Variants in PTK7 observed in about 807,000 individuals in gnomAD.
PTK7 encodes the protein inactive tyrosine-protein kinase 7.
A neutral mutation model predicts 116.6 loss-of-function variants in PTK7; 39 were observed. That is an observed-to-expected ratio of 0.33 (90% CI 0.26 to 0.44). The LOEUF (loss-of-function observed/expected upper bound fraction) is 0.44, where lower values mean the gene tolerates loss of function less well. Among genes scored for constraint, PTK7 ranks in the 20% least tolerant of loss-of-function variants. The pLI, the probability that PTK7 is intolerant of heterozygous loss-of-function variation, is 1.00. For missense variants in PTK7, 1,169 were observed against 1,425.6 expected, an observed-to-expected ratio of 0.82 and a Z score of 2.90; for synonymous variants, 546 against 563.6, an observed-to-expected ratio of 0.97 and a Z score of 0.44.
chr6:43,142,633 G>T (rs185947892), intron 13 of PTK7: 53 of 409,736 alleles, frequency 1.3e-4, no homozygotes, highest in Admixed American at 3.2e-4. Context: ...AATGCAGTAG[G>T]ACAAGGTTCT....
intron 1 of PTK7, among the ~76,000 whole-genome samples, chr6:43,116,645 T>TGCGCGCGCGC (rs1293349710): frequency 9.2e-5 from 7 of 76,338 alleles, no homozygotes; most frequent in African/African-American, 4.1e-4. Context: ...TGTGTGTGTG[T>TGCGCGCGCGC]GTGTGTGCGC....
intron 7 of PTK7, chr6:43,132,969 A>G: frequency 1.7e-6 from 1 of 574,468 alleles, no homozygotes; most frequent in Non-Finnish European, 3.1e-6. Flanking sequence ...CCTGGGTCCC[A>G]CTATGCTCCC....
chr6:43,141,660 C>G lies in PTK7; in HGVS notation c.1619-8C>G. On this transcript the variant is annotated splice_polypyrimidine_tract_variant and splice_region_variant and intron_variant, in intron 10 of 19. Transcript: ENST00000230419. This position sits in a 1 kb window ranked among gnomAD's most constrained non-coding sequence, Gnocchi z 4.9. ...CCTTCCCATAATTTCCCTTTGTTAC[C>G]CCTGCAGATGGGAGCAGCCTCCCAG... 6.2e-7 allele frequency: 1 copy of G among 1,613,188 alleles called. No individual in the cohort carries two copies. The highest frequency in any genetic ancestry group is 8.5e-7 in the Non-Finnish European group (1 of 1,179,354).
intron 1 of PTK7, among the ~76,000 whole-genome samples, chr6:43,099,331 C>CA (rs1289678150): frequency 1.3e-5 from 2 of 151,532 alleles, no homozygotes; most frequent in African/African-American, 4.9e-5. Context: ...TTCCCAGACT[C>CA]AAGCAATCCT....
intron 1 of PTK7, among the ~76,000 whole-genome samples, chr6:43,099,836 G>A (rs190721986): frequency 1.3e-5 from 2 of 152,178 alleles, no homozygotes; most frequent in African/African-American, 4.8e-5. Flanking sequence ...TTTGGAGGCC[G>A]AGGCAGGCAG....
At chr6:43,133,069 A>G in intron 7 of PTK7, 2 of 414,742 alleles carry the variant, frequency 4.8e-6, no homozygotes, top group South Asian at 2.2e-4. Flanking sequence ...TCTACTACCT[A>G]CCCCACAAGG....
chr6:43,144,879 G>T, intron 15 of PTK7: 1 of 416,084 alleles, frequency 2.4e-6, no homozygotes, highest in Non-Finnish European at 4.2e-6. Context: ...AGTTACCATT[G>T]TTCTAGGAAA....
chr6:43,082,740 C>T (rs551807498), intron 1 of PTK7, among the ~76,000 whole-genome samples: 1 of 152,308 alleles, frequency 6.6e-6, no homozygotes, highest in South Asian at 2.1e-4. Context: ...CAAGAAATTT[C>T]TCCATTAAAT....
At chr6:43,121,529 T>G (rs1301503664) in intron 1 of PTK7, among the ~76,000 whole-genome samples, 1 of 152,102 alleles carries the variant, frequency 6.6e-6, no homozygotes, top group Non-Finnish European at 1.5e-5. Context: ...CCTGGGACCT[T>G]TTGTAGACCC....
At chr6:43,078,500 C>G (rs991357981) in intron 1 of PTK7, among the ~76,000 whole-genome samples, 1 of 150,682 alleles carries the variant, frequency 6.6e-6, no homozygotes, top group Non-Finnish European at 1.5e-5. Flanking sequence ...TCCTGGGACT[C>G]AACCCACCCC....
chr6:43,139,212 G>T lies in PTK7; in HGVS notation c.1439G>T (p.Arg480Leu). The T allele has an allele frequency of 6.2e-7, 1 of 1,614,222 alleles. No individual in the cohort carries two copies. The highest frequency in any genetic ancestry group is 8.5e-7 in the Non-Finnish European group (1 of 1,180,036). ...GAGGTGTATGATGGGACATGGTACCGTTGTATGAGCAGCACCCCAGCCGGC... is the reference window on the plus strand; with the variant it reads ...GAGGTGTATGATGGGACATGGTACCTTTGTATGAGCAGCACCCCAGCCGGC... ...SVEVYDGTWY[R>L]CMSSTPAGSI... The change falls in exon 9 of 20, where the codon CGT becomes CTT. Residue 480 changes from arginine (R) to leucine (L), a missense_variant. Transcript: ENST00000230419. This position sits in a 1 kb window ranked among gnomAD's most constrained non-coding sequence, Gnocchi z 4.6.
intron 15 of PTK7, 69 bp downstream of exon 15, chr6:43,144,675 C>T (rs949902809): frequency 3.6e-5 from 55 of 1,528,362 alleles, no homozygotes; most frequent in South Asian, 6.2e-5. Flanking sequence ...AGGCTGGGTA[C>T]GGGCTAGTGT....
chr6:43,086,416 CTT>C (rs35357864), intron 1 of PTK7, among the ~76,000 whole-genome samples: 62 of 140,442 alleles, frequency 4.4e-4, no homozygotes, highest in Non-Finnish European at 5.6e-4. Context: ...GACACTCTGG[CTT>C]TTTTTTTTTT....
chr6:43,115,659 G>A (rs933422598), intron 1 of PTK7, among the ~76,000 whole-genome samples: 7 of 151,770 alleles, frequency 4.6e-5, no homozygotes, highest in Non-Finnish European at 1.0e-4. Flanking sequence ...GTGGGGGCTG[G>A]GCGGGGTGGC....
intron 1 of PTK7, among the ~76,000 whole-genome samples, chr6:43,082,215 G>A (rs553996566): frequency 2.6e-4 from 40 of 152,090 alleles, no homozygotes; most frequent in Admixed American, 7.2e-4. Flanking sequence ...TCACTCTGTC[G>A]CCCAGGCTGA....
rs374956441 is a variant in PTK7 at position 43,129,828 on chromosome 6, C to A, written c.469C>A (p.Arg157=). 1.2e-6 allele frequency: 2 copies of A among 1,613,508 alleles called. No individual in the cohort carries two copies. Among genetic ancestry groups the A allele is most frequent in the Non-Finnish European group, 8.5e-7 (1 of 1,179,468 alleles). Reference sequence around the variant, plus strand: ...TCGTTGCCACATTGATGGGCACCCTCGGTAAGGAGTCAGGGAGGTGGGGAT... The same window carrying A: ...TCGTTGCCACATTGATGGGCACCCTAGGTAAGGAGTCAGGGAGGTGGGGAT... The part of the protein sequence containing the change: ...TLRCHIDGHP[R]PTYQWFRDGT... Residue 157 remains arginine, a splice_region_variant and synonymous_variant, in exon 3 of 20, where the codon CGG becomes AGG. Transcript: ENST00000230419. The surrounding 1 kb of genome is among the most constrained non-coding windows in gnomAD (Gnocchi z 4.5).
rs1366208551 is a variant in PTK7 at position 43,143,725 on chromosome 6, T to TG, written c.2251+106dup. On this transcript the variant is annotated intron_variant, in intron 14 of 19. Transcript: ENST00000230419. This position sits in a 1 kb window ranked among gnomAD's most constrained non-coding sequence, Gnocchi z 4.2. ...AGCACTCTGGAAACCGAGCGGCTGT[T>TG]GCTGGGTCCTGGAGCTGGGACTGCC... 4.8e-6 allele frequency: 6 copies of TG among 1,258,806 alleles called. No individual in the cohort carries two copies. The East Asian group carries it at 1.0e-4, about 21-fold the overall frequency. The allele number at this position is 1,258,806 out of a possible 1,614,324, so 78.0% of individuals were successfully genotyped here. A position where few individuals can be genotyped will look rare whatever the true frequency, so the allele number is the denominator to read the frequency against.
intron 1 of PTK7, among the ~76,000 whole-genome samples, chr6:43,085,221 G>A (rs921822948): frequency 3.3e-5 from 5 of 152,174 alleles, no homozygotes; most frequent in African/African-American, 1.2e-4. Context: ...TAGCCCTGAT[G>A]GTTCTTCCCA....
chr6:43,126,318 C>T (rs536643903), intron 1 of PTK7, among the ~76,000 whole-genome samples: 12 of 151,880 alleles, frequency 7.9e-5, no homozygotes, highest in African/African-American at 1.2e-4. Context: ...AGTAAGACTC[C>T]GTCTCAAAAA....
Sources: allele counts gnomAD v4.1 joint callset (sites outside exome capture counted in the v4.1 genomes callset), GRCh38; gene constraint gnomAD v4.1.1; non-coding constraint Gnocchi (gnomAD v3.1); transcripts MANE v1.5; gene names NCBI Gene and HGNC (gene_info 2026-07-23, HGNC 2026-07-21).